Variants in SLC6A3 observed in about 807,000 individuals in gnomAD.
The protein encoded by SLC6A3 is sodium-dependent dopamine transporter.
SLC6A3 carries 19 observed loss-of-function variants against 70.4 expected under a neutral mutation model. The observed-to-expected ratio is 0.27, with a 90% CI of 0.19 to 0.40. The LOEUF is 0.40. Ranked by LOEUF, SLC6A3 falls within the 10% of genes least tolerant of loss-of-function variation. The pLI, the probability that SLC6A3 is intolerant of heterozygous loss-of-function variation, is 1.00. For missense variants in SLC6A3, 613 were observed against 838.5 expected, an observed-to-expected ratio of 0.73 and a Z score of 3.32; for synonymous variants, 368 against 356.6, an observed-to-expected ratio of 1.03 and a Z score of -0.36.
At position 1,442,162 on chromosome 5, in the gene SLC6A3, G is replaced by A. The variant is rs886599978; in HGVS notation, c.287-672C>T. ...CACTCTCTCTCCTGGGGAAGGGGAG[G>A]GGGAGGCATGGGGCCCCTCAGCTCT... On this transcript the variant is annotated intron_variant, in intron 2 of 14. Coordinates refer to ENST00000270349, the MANE Select transcript of SLC6A3 (RefSeq NM_001044.5). This position sits in a 1 kb window ranked among gnomAD's most constrained non-coding sequence, Gnocchi z 5.0. Among the ~76,000 whole-genome samples, 2 of 152,126 alleles carry A rather than the reference G, an allele frequency of 1.3e-5. No homozygotes were observed. The highest frequency in any genetic ancestry group is 2.9e-5 in the Non-Finnish European group (2 of 68,012).
chr5:1,403,003 C>A lies in SLC6A3; in HGVS notation c.1686G>T (p.Trp562Cys), dbSNP rs1755886397. 1.9e-6 allele frequency: 3 copies of A among 1,613,958 alleles called. No homozygotes were observed. The highest frequency in any genetic ancestry group is 1.3e-5 in the African/African-American group (1 of 74,932). Residue 562 changes from tryptophan (W) to cysteine (C), a missense_variant, in exon 13 of 15, where the codon TGG (tryptophan) becomes TGT (cysteine). Coordinates refer to ENST00000270349, the MANE Select transcript of SLC6A3 (RefSeq NM_001044.5). ...TGGCCATGGAGGATGTGGCGATGAC[C>A]CAGCCCAGCGCGTTGGCCCAGTCGG... Reference protein sequence around the residue: ...IFPDWANALGWVIATSSMAMV... With the variant: ...IFPDWANALGCVIATSSMAMV...
intron 6 of SLC6A3, among the ~76,000 whole-genome samples, chr5:1,419,817 C>G (rs2975292): frequency 0.53 from 78,355 of 148,102 alleles, 22,099 homozygotes; most frequent in Non-Finnish European, 0.64. Flanking sequence ...TGCTTTGCAG[C>G]CTCATAGGTG....
chr5:1,439,955 C>A (rs2911491), intron 3 of SLC6A3, among the ~76,000 whole-genome samples: 4,838 of 152,310 alleles, frequency 0.032, 255 homozygotes, highest in African/African-American at 0.11. Context: ...ACACAGAGAC[C>A]TAGTGTGTGC....
rs1733713852 is a variant in SLC6A3 at position 1,442,863 on chromosome 5, A to G, written c.286+49T>C. 6 of 1,606,244 alleles carry G rather than the reference A, an allele frequency of 3.7e-6. No individual in the cohort carries two copies. The highest frequency in any genetic ancestry group is 4.5e-5 in the East Asian group (2 of 44,818). On this transcript the variant is annotated intron_variant, in intron 2 of 14. Coordinates refer to ENST00000270349, the MANE Select transcript of SLC6A3 (RefSeq NM_001044.5). The surrounding 1 kb of genome is among the most constrained non-coding windows in gnomAD (Gnocchi z 5.0). ...ACGTGCCTTGGCCCCGGCTGCCCCTACGACCCCCGCCCGGCCAGCATGCTC... is the reference window on the plus strand; with the variant it reads ...ACGTGCCTTGGCCCCGGCTGCCCCTGCGACCCCCGCCCGGCCAGCATGCTC...
rs1755963105 is a variant in SLC6A3, at chr5:1,405,770, G to A, written c.1599+418C>T. ...AGAGGGAGGCTTGCGTGAGCAACGG[G>A]ACAGGGCCGAGGCCCCTGCTGCTCT... On this transcript the variant is annotated intron_variant, in intron 12 of 14. Transcript: ENST00000270349. This position sits in a 1 kb window ranked among gnomAD's most constrained non-coding sequence, Gnocchi z 5.3. 6.6e-6 allele frequency among the ~76,000 whole-genome samples: 1 copy of A among 152,256 alleles called. No individual in the cohort carries two copies. Among genetic ancestry groups the A allele is most frequent in the Admixed American group, 6.5e-5 (1 of 15,288 alleles).
Position 1,442,766 on chromosome 5 carries a change from A to T in SLC6A3, c.286+146T>A. On this transcript the variant is annotated intron_variant, in intron 2 of 14. Transcript: ENST00000270349. This position sits in a 1 kb window ranked among gnomAD's most constrained non-coding sequence, Gnocchi z 5.0. ...TGGTTTTGTGACATCCTCTGGGAGGATCTGCACCGGCCGTGAGCTCTCACA... is the reference window on the plus strand; with the variant it reads ...TGGTTTTGTGACATCCTCTGGGAGGTTCTGCACCGGCCGTGAGCTCTCACA... 2 of 803,102 alleles carry T rather than the reference A, an allele frequency of 2.5e-6. No individual in the cohort carries two copies. Among genetic ancestry groups the T allele is most frequent in the South Asian group, 2.9e-5 (2 of 68,434 alleles). 49.7% of individuals were successfully genotyped at this position (803,102 alleles called of 1,614,324 possible). A position where few individuals can be genotyped will look rare whatever the true frequency, so the allele number is the denominator to read the frequency against.
At chr5:1,431,457 G>C (rs561002687) in intron 4 of SLC6A3, among the ~76,000 whole-genome samples, 1 of 151,890 alleles carries the variant, frequency 6.6e-6, no homozygotes, top group South Asian at 2.1e-4. Flanking sequence ...GACTGTATGG[G>C]TTGGGCCTGG....
At chr5:1,410,872 ATG>A (rs911483986) in intron 9 of SLC6A3, among the ~76,000 whole-genome samples, 2 of 150,820 alleles carry the variant, frequency 1.3e-5, no homozygotes, top group African/African-American at 2.4e-5. Context: ...GCGTGTGTGC[ATG>A]TGTGTATGTG....
intron 8 of SLC6A3, among the ~76,000 whole-genome samples, chr5:1,414,383 A>G (rs1322287023): frequency 1.1e-3 from 9 of 8,434 alleles, no homozygotes; most frequent in Non-Finnish European, 1.4e-3. Context: ...GGCACAAGGC[A>G]GGAAAGGCAC....
chr5:1,414,141 C>T (rs1756195553), intron 8 of SLC6A3, among the ~76,000 whole-genome samples: 1 of 152,084 alleles, frequency 6.6e-6, no homozygotes, highest in African/African-American at 2.4e-5. Flanking sequence ...TCCCAGCCTG[C>T]CTCCAGGTGT....
Position 1,406,195 on chromosome 5 carries a change from A to G in SLC6A3, c.1592T>C (p.Phe531Ser), listed in dbSNP as rs1205139544. The G allele has an allele frequency of 6.2e-7, 1 of 1,611,818 alleles. No homozygotes were observed. Among genetic ancestry groups the G allele is most frequent in the African/African-American group, 1.3e-5 (1 of 74,878 alleles). The change falls in exon 12 of 15, where the codon TTT becomes TCT. Residue 531 changes from phenylalanine (F) to serine (S), a missense_variant. Around this residue, in one of 4 missense-constraint regions of SLC6A3, gnomAD observed 348 missense variants for 481.2 expected, o/e 0.72. Coordinates refer to ENST00000270349, the MANE Select transcript of SLC6A3 (RefSeq NM_001044.5). This position sits in a 1 kb window ranked among gnomAD's most constrained non-coding sequence, Gnocchi z 8.8. ...RLCWKLVSPCFLLFVVVVSIV... is the reference protein window; with the variant it reads ...RLCWKLVSPCSLLFVVVVSIV... ...TGGCCCGAGGTCCCTTACCAGGAGAAAGCAGGGGCTGACCAGCTTCCAGCA... is the reference window on the plus strand; with the variant it reads ...TGGCCCGAGGTCCCTTACCAGGAGAGAGCAGGGGCTGACCAGCTTCCAGCA...
In SLC6A3 at chr5:1,396,760, C is replaced by T. The variant is rs536282830; in HGVS notation, c.1840-2002G>A. 5.3e-5 allele frequency among the ~76,000 whole-genome samples: 8 copies of T among 152,264 alleles called. No individual in the cohort carries two copies. In the East Asian group the frequency reaches 9.6e-4, roughly 18 times the overall value. ...CCAGCCAGGAGAATGTCATGATTCT[C>T]GGGGATCTGCATGGGGTGTGCATAA... is the stretch of plus-strand genomic sequence containing the variant. On this transcript the variant is annotated intron_variant, in intron 14 of 14. Transcript: ENST00000270349. This position sits in a 1 kb window ranked among gnomAD's most constrained non-coding sequence, Gnocchi z 7.0.
chr5:1,394,451 T>G lies in SLC6A3; in HGVS notation c.*284A>C. 1 of 566,228 alleles carries G rather than the reference T, an allele frequency of 1.8e-6. No individual in the cohort carries two copies. The highest frequency in any genetic ancestry group is 3.2e-6 in the Non-Finnish European group (1 of 314,904). 35.1% of individuals were successfully genotyped at this position (566,228 alleles called of 1,614,324 possible). On this transcript the variant is annotated 3_prime_UTR_variant, in exon 15 of 15. Transcript: ENST00000270349. The surrounding 1 kb of genome is among the most constrained non-coding windows in gnomAD (Gnocchi z 4.7). ...GGGAGGGAGCCTCACACAGACAGCA[T>G]GAAGTTAGACGTTTTTCTGCCCTGC... is the stretch of plus-strand genomic sequence containing the variant.
Position 1,431,582 on chromosome 5 carries a change from G to A in SLC6A3, c.653+882C>T, listed in dbSNP as rs1240921180. 4.6e-5 allele frequency among the ~76,000 whole-genome samples: 7 copies of A among 151,746 alleles called. No individual in the cohort carries two copies. In the East Asian group the frequency reaches 1.4e-3, roughly 29 times the overall value. On this transcript the variant is annotated intron_variant, in intron 4 of 14. Coordinates refer to ENST00000270349, the MANE Select transcript of SLC6A3 (RefSeq NM_001044.5). ...GGGGTGGACGGTGAGGGGTGGGCCTGGCCGGGGTGGACCATGAGGGGCGGG... is the reference window on the plus strand; with the variant it reads ...GGGGTGGACGGTGAGGGGTGGGCCTAGCCGGGGTGGACCATGAGGGGCGGG...
chr5:1,414,202 G>A (rs568881756), intron 8 of SLC6A3, among the ~76,000 whole-genome samples: 62 of 151,962 alleles, frequency 4.1e-4, no homozygotes, highest in Admixed American at 3.2e-3. Context: ...TTCCCACACC[G>A]CGTGGCAAGC....
At chr5:1,426,616 TAAAAAG>T (rs1756581421) in intron 4 of SLC6A3, among the ~76,000 whole-genome samples, 1 of 152,188 alleles carries the variant, frequency 6.6e-6, no homozygotes, top group Non-Finnish European at 1.5e-5. Flanking sequence ...TATTTGGCCT[TAAAAAG>T]GAATGAAATT....
At chr5:1,403,908 C>T (rs1158695764) in intron 12 of SLC6A3, among the ~76,000 whole-genome samples, 1 of 152,252 alleles carries the variant, frequency 6.6e-6, no homozygotes, top group African/African-American at 2.4e-5. Context: ...AAAGATCCTC[C>T]ATGTGCCTAC....
At position 1,432,681 on chromosome 5, in the gene SLC6A3, T is replaced by C; in HGVS notation, c.436A>G (p.Ile146Val). Reference sequence around the variant, plus strand: ...AAGCCGACATACAGTGAGATGAGGATGACCGTGAAGCCCACACCTAGCGGG... The same window carrying C: ...AAGCCGACATACAGTGAGATGAGGACGACCGTGAAGCCCACACCTAGCGGG... ...PILKGVGFTV[I>V]LISLYVGFFY... Residue 146 changes from isoleucine (I) to valine (V), a missense_variant, in exon 4 of 15, where the codon ATC (isoleucine) becomes GTC (valine). Physicochemically the swap from Ile to Val is conservative, Grantham distance 29. Coordinates refer to ENST00000270349, the MANE Select transcript of SLC6A3 (RefSeq NM_001044.5). 1 of 1,613,910 alleles carries C rather than the reference T, an allele frequency of 6.2e-7. No individual in the cohort carries two copies. Among genetic ancestry groups the C allele is most frequent in the East Asian group, 2.2e-5 (1 of 44,870 alleles).
rs1051908343 is a variant in SLC6A3, at chr5:1,402,745, CG to C, written c.1767+176del. Among the ~76,000 whole-genome samples, 2 of 152,110 alleles carry C rather than the reference CG, an allele frequency of 1.3e-5. No individual in the cohort carries two copies. Among genetic ancestry groups the C allele is most frequent in the African/African-American group, 4.8e-5 (2 of 41,412 alleles). ...ACATATGGACGCACACCCATGGGCC[CG>C]GGCGTGCAGGTGGACACACACACGC... On this transcript the variant is annotated intron_variant, in intron 13 of 14. Coordinates refer to ENST00000270349, the MANE Select transcript of SLC6A3 (RefSeq NM_001044.5). This position sits in a 1 kb window ranked among gnomAD's most constrained non-coding sequence, Gnocchi z 8.5.
Sources: allele counts gnomAD v4.1 joint callset (sites outside exome capture counted in the v4.1 genomes callset), GRCh38; gene constraint gnomAD v4.1.1; regional missense constraint gnomAD v4.1.1; non-coding constraint Gnocchi (gnomAD v3.1); transcripts MANE v1.5; gene names NCBI Gene and HGNC (gene_info 2026-07-23, HGNC 2026-07-21).